PTPDC1: variants seen among roughly 807,000 people sequenced by gnomAD.
The protein encoded by PTPDC1 is protein tyrosine phosphatase domain containing 1, also known as protein tyrosine phosphatase domain-containing protein 1.
A neutral mutation model predicts 75.3 loss-of-function variants in PTPDC1; 53 were observed. The observed-to-expected ratio is 0.70, with a 90% CI of 0.56 to 0.88. PTPDC1 has a LOEUF of 0.88. Ranked by LOEUF, PTPDC1 falls within the 40% of genes least tolerant of loss-of-function variation. PTPDC1 has a pLI of 0.00. For synonymous variants in PTPDC1, 349 were observed against 366.2 expected, an observed-to-expected ratio of 0.95 and a Z score of 0.54; for missense variants, 925 against 998.6, an observed-to-expected ratio of 0.93 and a Z score of 0.99.
At chr9:94,037,712 A>G (rs886597150) in intron 1 of PTPDC1, among the ~76,000 whole-genome samples, 2 of 152,034 alleles carry the variant, frequency 1.3e-5, no homozygotes, top group African/African-American at 4.8e-5. Flanking sequence ...GCTCCTTTCC[A>G]TCCTTAATTC....
rs762272290 is a variant in PTPDC1, at chr9:94,098,052, G to T, written c.1486G>T (p.Asp496Tyr). The T allele has an allele frequency of 1.2e-6, 2 of 1,614,158 alleles. No individual in the cohort carries two copies. The highest frequency in any genetic ancestry group is 1.7e-5 in the Admixed American group (1 of 60,006). ...TTACATCCCACAGTCTCCAGAACCA[G>T]ACTTACACAAGGAAGCCTTGGTTCG... ...HCYIPQSPEPDLHKEALVRST... is the reference protein window; with the variant it reads ...HCYIPQSPEPYLHKEALVRST... The change falls in exon 6 of 9, where the codon GAC becomes TAC. Residue 496 changes from aspartate to tyrosine, a missense_variant. Asp to Tyr is a radical substitution (Grantham distance 160). Coordinates refer to ENST00000620992, the MANE Select transcript of PTPDC1 (RefSeq NM_001253829.2).
chr9:94,082,669 A>C (rs566705347), upstream of PTPDC1, among the ~76,000 whole-genome samples: 193 of 152,324 alleles, frequency 1.3e-3, 1 homozygote, highest in African/African-American at 3.7e-3. Flanking sequence ...CTGAGCAAGC[A>C]TGCAGAAAGG....
intron 2 of PTPDC1, among the ~76,000 whole-genome samples, chr9:94,071,451 C>G (rs1162600604): frequency 6.6e-6 from 1 of 151,896 alleles, no homozygotes; most frequent in African/African-American, 2.4e-5. Context: ...ACTTACCTTT[C>G]CATTTCTTCA....
At chr9:94,050,689 G>A (rs921297833) in intron 1 of PTPDC1, among the ~76,000 whole-genome samples, 12 of 152,192 alleles carry the variant, frequency 7.9e-5, no homozygotes, top group Non-Finnish European at 1.6e-4. Flanking sequence ...CAGTCTGTCC[G>A]TTCTCAGATC....
At chr9:94,090,479 G>T (rs1474934381) in intron 4 of PTPDC1, among the ~76,000 whole-genome samples, 2 of 141,612 alleles carry the variant, frequency 1.4e-5, no homozygotes, top group Non-Finnish European at 3.1e-5. Context: ...TTTGGTTACT[G>T]TAGCCTTGTA....
chr9:94,102,262 C>T (rs1403394722), intron 7 of PTPDC1, among the ~76,000 whole-genome samples: 2 of 151,336 alleles, frequency 1.3e-5, no homozygotes, highest in Admixed American at 6.6e-5. Flanking sequence ...TGCACTCATT[C>T]GTATTTTTAA....
At chr9:94,044,154 A>G (rs763550082) in intron 1 of PTPDC1, among the ~76,000 whole-genome samples, 1 of 152,140 alleles carries the variant, frequency 6.6e-6, no homozygotes, top group Non-Finnish European at 1.5e-5. Flanking sequence ...CCCTTTTCAT[A>G]TAAATTTTAG....
chr9:94,084,514 T>C lies in PTPDC1; in HGVS notation c.-17T>C, dbSNP rs1826993292. ...GGGGCTGACTCTTCCTGCCTCCGGCTCTTGCCTCCCAGTGCCATGCAGGTG... is the reference window on the plus strand; with the variant it reads ...GGGGCTGACTCTTCCTGCCTCCGGCCCTTGCCTCCCAGTGCCATGCAGGTG... On this transcript the variant is annotated 5_prime_UTR_variant, in exon 1 of 9. Coordinates refer to ENST00000620992, the MANE Select transcript of PTPDC1 (RefSeq NM_001253829.2). 1 of 1,608,294 alleles carries C rather than the reference T, an allele frequency of 6.2e-7. No individual in the cohort carries two copies. The highest frequency in any genetic ancestry group is 1.1e-5 in the South Asian group (1 of 90,930).
intron 4 of PTPDC1, among the ~76,000 whole-genome samples, chr9:94,089,243 C>T (rs1018720831): frequency 2.3e-5 from 3 of 128,908 alleles, no homozygotes; most frequent in African/African-American, 5.9e-5. Context: ...CCCCACCCCA[C>T]AACAGTCCCC....
At chr9:94,073,609 T>C (rs1826586725) in intron 2 of PTPDC1, among the ~76,000 whole-genome samples, 1 of 152,156 alleles carries the variant, frequency 6.6e-6, no homozygotes, top group Non-Finnish European at 1.5e-5. Flanking sequence ...TATGTTCTTA[T>C]TTTTATCTGT....
upstream of PTPDC1, among the ~76,000 whole-genome samples, chr9:94,079,679 T>C (rs988277380): frequency 3.9e-5 from 6 of 152,236 alleles, no homozygotes; most frequent in Admixed American, 1.3e-4. Flanking sequence ...GTGTTTCAGA[T>C]AAAGATAGTT....
intron 1 of PTPDC1, among the ~76,000 whole-genome samples, chr9:94,046,166 A>G (rs1220399663): frequency 6.6e-6 from 1 of 152,052 alleles, no homozygotes; most frequent in Non-Finnish European, 1.5e-5. Context: ...GATGTGTGGC[A>G]TTATTTCTGA....
At chr9:94,101,468 G>T in intron 6 of PTPDC1, 98 bp from the exon 7 acceptor site, 1 of 869,184 alleles carries the variant, frequency 1.2e-6, no homozygotes, top group Non-Finnish European at 1.8e-6. Flanking sequence ...TTTCACTCTT[G>T]TGGGCAGCGC....
intron 2 of PTPDC1, among the ~76,000 whole-genome samples, chr9:94,067,404 A>C (rs1466981719): frequency 6.6e-6 from 1 of 151,720 alleles, no homozygotes; most frequent in Non-Finnish European, 1.5e-5. Context: ...AAAAAAAATA[A>C]TAATAATAAT....
chr9:94,038,401 A>G (rs1177102501), intron 1 of PTPDC1: 1 of 398,352 alleles, frequency 2.5e-6, no homozygotes, highest in South Asian at 3.1e-5. Flanking sequence ...TATGTGTACC[A>G]TACTTTAATA....
At chr9:94,099,373 T>A (rs1291747459) in intron 6 of PTPDC1, among the ~76,000 whole-genome samples, 1 of 151,686 alleles carries the variant, frequency 6.6e-6, no homozygotes, top group African/African-American at 2.4e-5. Context: ...TGGACAGTCG[T>A]GAATCACCGA....
At chr9:94,077,408 C>T (rs571490077) in intron 2 of PTPDC1, among the ~76,000 whole-genome samples, 1 of 152,192 alleles carries the variant, frequency 6.6e-6, no homozygotes, top group Non-Finnish European at 1.5e-5. Context: ...ATGCCAGTCA[C>T]AAGCCCCAGC....
intron 2 of PTPDC1, among the ~76,000 whole-genome samples, chr9:94,078,626 G>T (rs182692747): frequency 1.2e-4 from 19 of 152,184 alleles, no homozygotes; most frequent in Non-Finnish European, 2.4e-4. Flanking sequence ...TCACTTAATG[G>T]TATTCCACAT....
At chr9:94,073,866 C>A (rs1411944959) in intron 2 of PTPDC1, among the ~76,000 whole-genome samples, 2 of 152,096 alleles carry the variant, frequency 1.3e-5, no homozygotes, top group Admixed American at 6.6e-5. Flanking sequence ...ATAAGTTTGA[C>A]GTTCAATTTC....
Sources: allele counts gnomAD v4.1 joint callset (sites outside exome capture counted in the v4.1 genomes callset), GRCh38; gene constraint gnomAD v4.1.1; transcripts MANE v1.5; gene names NCBI Gene and HGNC (gene_info 2026-07-23, HGNC 2026-07-21).